The following EHHADH variants were observed in gnomAD, a reference collection of about 807,000 sequenced individuals.
EHHADH encodes peroxisomal bifunctional enzyme.
A neutral mutation model predicts 64.4 loss-of-function variants in EHHADH; 48 were observed. The ratio of observed to expected loss-of-function variants is 0.75; its 90% confidence interval spans 0.59 to 0.95. The LOEUF is 0.95. EHHADH is among the 40% of genes least tolerant of loss of function. The probability of loss-of-function intolerance (pLI) is 0.00; values close to 1 mark genes in which losing one functional copy is unlikely to be tolerated. For missense variants in EHHADH, 854 were observed against 876.6 expected (o/e 0.97, Z 0.33); for synonymous variants, 308 against 326.7 (o/e 0.94, Z 0.62).
chr3:185,247,811 A>G (rs1719635426), intron 2 of EHHADH: 1 of 152,192 alleles, frequency 6.6e-6, no homozygotes, highest in Admixed American at 6.5e-5. Context: ...TGAATAAATC[A>G]CCATTTCAGC....
chr3:185,194,111 G>C (rs953005752), intron 6 of EHHADH, among the ~76,000 whole-genome samples: 2 of 152,266 alleles, frequency 1.3e-5, no homozygotes, highest in Middle Eastern at 3.4e-3. Flanking sequence ...ATCCAGAAGA[G>C]CCAAAACAAT....
intron 2 of EHHADH, chr3:185,245,985 C>T: frequency 6.7e-7 from 1 of 1,494,082 alleles, no homozygotes; most frequent in African/African-American, 1.4e-5. Context: ...GAGATACCAT[C>T]ATCTTTTTTG....
chr3:185,206,377 A>G (rs966975058), intron 5 of EHHADH, among the ~76,000 whole-genome samples: 1 of 152,194 alleles, frequency 6.6e-6, no homozygotes, highest in Admixed American at 6.5e-5. Flanking sequence ...CTAATACTAT[A>G]AAAATTCCTA....
chr3:185,224,265 C>T (rs1336317082), intron 4 of EHHADH, among the ~76,000 whole-genome samples: 3 of 151,726 alleles, frequency 2.0e-5, no homozygotes, highest in African/African-American at 7.3e-5. Context: ...TTTGGGAGGC[C>T]GAGGCGGGTG....
chr3:185,210,178 T>G (rs184981454), intron 5 of EHHADH, among the ~76,000 whole-genome samples: 104 of 152,274 alleles, frequency 6.8e-4, no homozygotes, highest in Middle Eastern at 3.4e-3. Context: ...TAGAGTTGGA[T>G]CTCTGTCTTG....
chr3:185,197,441 G>T (rs1165327229), intron 6 of EHHADH, among the ~76,000 whole-genome samples: 1 of 152,102 alleles, frequency 6.6e-6, no homozygotes, highest in East Asian at 1.9e-4. Context: ...CCTACTAAAT[G>T]ATAACTCCCC....
In EHHADH at chr3:185,253,923, G is replaced by C. The variant is rs1366580399; in HGVS notation, c.74+26C>G. 4.3e-6 allele frequency: 7 copies of C among 1,613,612 alleles called. No homozygotes were observed. In the East Asian group the frequency reaches 1.6e-4, roughly 36 times the overall value. ...GGCGGCTAAGGCCCGCACGGTCCCC[G>C]GGCTGGAGGCGACCGAGCCCGTTAC... On this transcript the variant is annotated intron_variant, in intron 1 of 6. Coordinates refer to ENST00000231887, the MANE Select transcript of EHHADH (RefSeq NM_001966.4).
chr3:185,248,588 T>C lies in EHHADH; in HGVS notation c.75-71A>G, dbSNP rs909042789. ...TCCTACCATTCAGAGTGTTTTCCTT[T>C]CCTAAAAATGAAAAATTAAACACAC... On this transcript the variant is annotated intron_variant, in intron 1 of 6. Transcript: ENST00000231887. 3.3e-6 allele frequency: 4 copies of C among 1,195,694 alleles called. No homozygotes were observed. In the African/African-American group the frequency reaches 4.6e-5, roughly 14 times the overall value. The allele number at this position is 1,195,694 out of a possible 1,614,324, so 74.1% of individuals were successfully genotyped here.
Position 185,235,462 on chromosome 3 carries a change from C to T in EHHADH, c.179G>A (p.Gly60Asp). 1 of 1,602,984 alleles carries T rather than the reference C, an allele frequency of 6.2e-7. No homozygotes were observed. Among genetic ancestry groups the T allele is most frequent in the Non-Finnish European group, 8.5e-7 (1 of 1,174,512 alleles). ...ICGAEGKFSAGADIRGFSAPR... is the reference protein window; with the variant it reads ...ICGAEGKFSADADIRGFSAPR... ...AGCACTGAAGCCACGAATATCAGCACCTAAGGGCACAAAGACAAGGAGAAA... is the reference window on the plus strand; with the variant it reads ...AGCACTGAAGCCACGAATATCAGCATCTAAGGGCACAAAGACAAGGAGAAA... Residue 60 changes from glycine to aspartate, a missense_variant and splice_region_variant, in exon 3 of 7, where the codon GGT becomes GAT. Physicochemically the swap from Gly to Asp is moderately conservative, Grantham distance 94 (BLOSUM62 -1). Transcript: ENST00000231887.
intron 6 of EHHADH, among the ~76,000 whole-genome samples, chr3:185,199,462 G>A (rs1289721236): frequency 3.9e-5 from 6 of 152,216 alleles, no homozygotes; most frequent in African/African-American, 1.4e-4. Context: ...CCACCCAGAT[G>A]TAGAGAATGC....
chr3:185,204,326 G>T, intron 6 of EHHADH, 90 bp downstream of exon 6: 2 of 1,198,424 alleles, frequency 1.7e-6, no homozygotes, highest in Non-Finnish European at 2.3e-6. Flanking sequence ...TGTGTCTTAC[G>T]TGAAACCTAG....
At chr3:185,208,768 A>G (rs1312002267) in intron 5 of EHHADH, among the ~76,000 whole-genome samples, 1 of 152,226 alleles carries the variant, frequency 6.6e-6, no homozygotes, top group Admixed American at 6.5e-5. Flanking sequence ...TCTGGAAACA[A>G]TCCAAACATC....
chr3:185,218,089 T>C (rs1469607099), intron 5 of EHHADH, 47 bp downstream of exon 5: 6 of 1,391,462 alleles, frequency 4.3e-6, no homozygotes, highest in Non-Finnish European at 6.0e-6. Flanking sequence ...TAAATGAACA[T>C]GTATCCTGTT....
At chr3:185,222,145 C>T (rs1718852905) in intron 4 of EHHADH, among the ~76,000 whole-genome samples, 2 of 151,860 alleles carry the variant, frequency 1.3e-5, no homozygotes, top group African/African-American at 2.4e-5. Flanking sequence ...TTTGGGAGGC[C>T]AAGGCAGGAG....
chr3:185,204,352 A>G, intron 6 of EHHADH, 64 bp downstream of exon 6: 2 of 1,450,086 alleles, frequency 1.4e-6, no homozygotes. Flanking sequence ...GGTAGCCCTA[A>G]GCAAATGGTA....
chr3:185,233,208 C>T (rs1553779142), intron 3 of EHHADH, among the ~76,000 whole-genome samples: 1 of 152,052 alleles, frequency 6.6e-6, no homozygotes, highest in Non-Finnish European at 1.5e-5. Flanking sequence ...ACAATAATAG[C>T]ATAAAGGGGC....
Position 185,205,097 on chromosome 3 carries a change from A to C in EHHADH, c.569-340T>G, listed in dbSNP as rs530543415. On this transcript the variant is annotated intron_variant, in intron 5 of 6. Transcript: ENST00000231887. ...ATAGATTAATATTTAATCTGTAATT[A>C]ATATTAATATATTAAATATTAATGA... 2.3e-3 allele frequency among the ~76,000 whole-genome samples: 354 copies of C among 151,692 alleles called. 1 individual carries two copies. The highest frequency in any genetic ancestry group is 4.6e-3 in the Admixed American group (70 of 15,242).
In EHHADH at chr3:185,244,331, T is replaced by C. The variant is rs537436600; in HGVS notation, c.178+4083A>G. On this transcript the variant is annotated intron_variant, in intron 2 of 6. Transcript: ENST00000231887. Reference sequence around the variant, plus strand: ...ATGTTTAAGTGGAGGATTTAGGCCATTTATGTTCAGGGTTAATATTGATAT... The same window carrying C: ...ATGTTTAAGTGGAGGATTTAGGCCACTTATGTTCAGGGTTAATATTGATAT... Among the ~76,000 whole-genome samples the C allele has an allele frequency of 2.3e-3, 344 of 152,310 alleles. 2 individuals are homozygous for C. The highest frequency in any genetic ancestry group is 3.5e-3 in the Admixed American group (54 of 15,296).
chr3:185,225,372 G>A (rs1718947245), intron 4 of EHHADH, among the ~76,000 whole-genome samples: 2 of 151,860 alleles, frequency 1.3e-5, no homozygotes, highest in African/African-American at 2.4e-5. Context: ...CTCACATCTC[G>A]TATCTGCTCT....
Sources: gnomAD v4.1 joint callset for allele counts (sites outside exome capture counted in the v4.1 genomes callset) on GRCh38, gnomAD v4.1.1 for gene constraint, MANE v1.5 for transcripts, NCBI Gene and HGNC (gene_info 2026-07-23, HGNC 2026-07-21) for gene names.